PIP5K1B: variants seen among roughly 807,000 people sequenced by gnomAD.
PIP5K1B encodes the protein phosphatidylinositol-4-phosphate 5-kinase type 1 beta.
A neutral mutation model predicts 67.0 loss-of-function variants in PIP5K1B; 42 were observed. That is an observed-to-expected ratio of 0.63 (90% confidence interval 0.49 to 0.81). PIP5K1B has a LOEUF of 0.81. PIP5K1B is among the 30% of genes least tolerant of loss of function. The pLI, the probability that PIP5K1B is intolerant of heterozygous loss-of-function variation, is 0.00. For synonymous variants in PIP5K1B, 214 were observed against 231.4 expected, an observed-to-expected ratio of 0.92 and a Z score of 0.68; for missense variants, 459 against 646.3, an observed-to-expected ratio of 0.71 and a Z score of 3.14.
intron 2 of PIP5K1B, among the ~76,000 whole-genome samples, chr9:68,776,280 G>T (rs374443459): frequency 2.0e-5 from 3 of 152,114 alleles, no homozygotes; most frequent in African/African-American, 7.2e-5. Context: ...CATATATTTG[G>T]AAATTTAATA....
intron 1 of PIP5K1B, among the ~76,000 whole-genome samples, chr9:68,738,841 A>G (rs1199417723): frequency 6.6e-6 from 1 of 152,144 alleles, no homozygotes; most frequent in Non-Finnish European, 1.5e-5. Context: ...CAACGCTTCA[A>G]TCCAAGTTTC....
At chr9:68,861,696 G>A (rs906836157) in intron 4 of PIP5K1B, among the ~76,000 whole-genome samples, 2 of 152,120 alleles carry the variant, frequency 1.3e-5, no homozygotes, top group African/African-American at 2.4e-5. Flanking sequence ...CTTATGTCAC[G>A]TCTTGTGCCT....
intron 15 of PIP5K1B, among the ~76,000 whole-genome samples, chr9:69,006,189 T>G (rs1462718529): frequency 6.6e-6 from 1 of 151,978 alleles, no homozygotes; most frequent in Non-Finnish European, 1.5e-5. Context: ...TTTTTTTTAC[T>G]CCGGTTAAAA....
At chr9:68,816,976 A>C (rs1833479586) in intron 2 of PIP5K1B, among the ~76,000 whole-genome samples, 1 of 152,256 alleles carries the variant, frequency 6.6e-6, no homozygotes, top group Non-Finnish European at 1.5e-5. Flanking sequence ...AGACACAATA[A>C]ATAAAGGCAA....
At chr9:68,975,319 T>C (rs1293499653) in intron 14 of PIP5K1B, among the ~76,000 whole-genome samples, 1 of 152,198 alleles carries the variant, frequency 6.6e-6, no homozygotes, top group Non-Finnish European at 1.5e-5. Context: ...TCTACCTGCC[T>C]TAGCCTCCCA....
intron 12 of PIP5K1B, among the ~76,000 whole-genome samples, chr9:68,926,437 T>C (rs537725249): frequency 1.1e-4 from 16 of 152,230 alleles, no homozygotes; most frequent in Admixed American, 2.0e-4. Flanking sequence ...TTGATTTTAT[T>C]ATCTATTTTT....
At chr9:68,990,403 A>G (rs544842877) in intron 14 of PIP5K1B, among the ~76,000 whole-genome samples, 1 of 150,584 alleles carries the variant, frequency 6.6e-6, no homozygotes, top group African/African-American at 2.4e-5. Context: ...AAGAAGAAAA[A>G]AAGAGTAAAA....
intron 11 of PIP5K1B, among the ~76,000 whole-genome samples, chr9:68,922,302 A>G (rs1826443754): frequency 6.6e-6 from 1 of 152,054 alleles, no homozygotes; most frequent in Non-Finnish European, 1.5e-5. Context: ...CCCTCTACTA[A>G]AAATACAAAA....
In PIP5K1B at chr9:69,008,563, G is replaced by C; in HGVS notation, c.*114G>C. ...ACTTGGCTGAGCCCCACTACACACAGAGAAATCATCAACCTGACTTAAGAG... is the reference window on the plus strand; with the variant it reads ...ACTTGGCTGAGCCCCACTACACACACAGAAATCATCAACCTGACTTAAGAG... On this transcript the variant is annotated 3_prime_UTR_variant, in exon 16 of 16. Transcript: ENST00000265382. The C allele has an allele frequency of 5.0e-6, 5 of 991,032 alleles. No individual in the cohort carries two copies. Among genetic ancestry groups the C allele is most frequent in the South Asian group, 1.3e-5 (1 of 77,598 alleles). 61.4% of individuals were successfully genotyped at this position (991,032 alleles called of 1,614,324 possible).
chr9:68,787,381 A>G (rs1189044755), intron 2 of PIP5K1B, among the ~76,000 whole-genome samples: 1 of 152,184 alleles, frequency 6.6e-6, no homozygotes, highest in Admixed American at 6.5e-5. Context: ...GAATTTAAGA[A>G]GTCTCCAGTC....
At chr9:68,893,611 C>T (rs1171746931) in intron 7 of PIP5K1B, among the ~76,000 whole-genome samples, 4 of 151,980 alleles carry the variant, frequency 2.6e-5, no homozygotes, top group South Asian at 2.1e-4. Context: ...GGATTACAGG[C>T]GTGAGCCACA....
chr9:68,942,761 G>A (rs1827628194), intron 14 of PIP5K1B, among the ~76,000 whole-genome samples: 1 of 152,158 alleles, frequency 6.6e-6, no homozygotes, highest in African/African-American at 2.4e-5. Flanking sequence ...TAAAACAAGT[G>A]CATTGTTTTA....
At chr9:68,817,668 T>C (rs1833512841) in intron 2 of PIP5K1B, among the ~76,000 whole-genome samples, 1 of 151,846 alleles carries the variant, frequency 6.6e-6, no homozygotes, top group South Asian at 2.1e-4. Context: ...ACAAACAGAC[T>C]GTTTATATTG....
At chr9:68,920,418 A>AGT (rs1425651261) in intron 11 of PIP5K1B, among the ~76,000 whole-genome samples, 1 of 113,862 alleles carries the variant, frequency 8.8e-6, no homozygotes, top group Non-Finnish European at 1.6e-5. Flanking sequence ...CCCAGGCTGG[A>AGT]GTGCAGTGGT....
At chr9:68,732,964 G>A (rs979962074) in intron 1 of PIP5K1B, among the ~76,000 whole-genome samples, 1 of 152,066 alleles carries the variant, frequency 6.6e-6, no homozygotes, top group African/African-American at 2.4e-5. Context: ...TGACGACGAC[G>A]ATGATGTGGT....
chr9:68,826,384 G>C (rs1252285805), intron 4 of PIP5K1B, among the ~76,000 whole-genome samples: 4 of 152,188 alleles, frequency 2.6e-5, no homozygotes, highest in Non-Finnish European at 5.9e-5. Flanking sequence ...ATGAATGAAT[G>C]CTCGCCCAGG....
chr9:68,921,065 A>C (rs1243435822), intron 11 of PIP5K1B, among the ~76,000 whole-genome samples: 1 of 152,188 alleles, frequency 6.6e-6, no homozygotes, highest in East Asian at 1.9e-4. Flanking sequence ...GAAGACTGTT[A>C]ATAACCTTTC....
At chr9:68,850,192 A>G (rs893721075) in intron 4 of PIP5K1B, among the ~76,000 whole-genome samples, 4 of 152,234 alleles carry the variant, frequency 2.6e-5, no homozygotes, top group African/African-American at 9.6e-5. Flanking sequence ...TCACATCTGT[A>G]CACAGCACAC....
intron 3 of PIP5K1B, among the ~76,000 whole-genome samples, chr9:68,819,082 T>A (rs1833599886): frequency 6.6e-6 from 1 of 152,148 alleles, no homozygotes; most frequent in Admixed American, 6.5e-5. Flanking sequence ...AACAATTCAG[T>A]GTTCATTTTT....
Sources: allele counts gnomAD v4.1 joint callset (sites outside exome capture counted in the v4.1 genomes callset), GRCh38; gene constraint gnomAD v4.1.1; transcripts MANE v1.5; gene names NCBI Gene and HGNC (gene_info 2026-07-23, HGNC 2026-07-21).